Variants in CCDC6 observed in about 807,000 individuals in gnomAD.
CCDC6 encodes the protein coiled-coil domain-containing protein 6.
CCDC6 carries 20 observed loss-of-function variants against 56.6 expected under a neutral mutation model. The observed-to-expected ratio is 0.35, with a 90% CI of 0.25 to 0.51. CCDC6 has a LOEUF of 0.51. Among genes scored for constraint, CCDC6 ranks in the 20% least tolerant of loss-of-function variants. The pLI, the probability that CCDC6 is intolerant of heterozygous loss-of-function variation, is 0.95. For missense variants in CCDC6, 367 were observed against 601.1 expected, an observed-to-expected ratio of 0.61 and a Z score of 4.07; for synonymous variants, 241 against 234.4, an observed-to-expected ratio of 1.03 and a Z score of -0.26.
intron 1 of CCDC6, among the ~76,000 whole-genome samples, chr10:59,864,985 G>A (rs1048212946): frequency 6.6e-5 from 10 of 152,160 alleles, no homozygotes; most frequent in Non-Finnish European, 1.2e-4. Context: ...AACTTAATAC[G>A]CGATCTTCAA....
At chr10:59,890,355 C>T (rs2071412762) in intron 1 of CCDC6, among the ~76,000 whole-genome samples, 1 of 152,156 alleles carries the variant, frequency 6.6e-6, no homozygotes, top group Admixed American at 6.5e-5. Flanking sequence ...GTGGAGGCAC[C>T]ATCCTGAGAA....
At chr10:59,818,501 G>GC (rs1246440612) in intron 3 of CCDC6, among the ~76,000 whole-genome samples, 2 of 141,394 alleles carry the variant, frequency 1.4e-5, no homozygotes, top group Admixed American at 7.0e-5. Context: ...TTGACGGGGG[G>GC]GGGGGAAGCA....
chr10:59,895,690 C>T (rs1344899094), intron 1 of CCDC6, among the ~76,000 whole-genome samples: 2 of 152,162 alleles, frequency 1.3e-5, no homozygotes, highest in Non-Finnish European at 2.9e-5. Context: ...TTTAAAACTC[C>T]GGTTTACCTT....
chr10:59,898,390 A>G (rs564093736), intron 1 of CCDC6, among the ~76,000 whole-genome samples: 15 of 152,388 alleles, frequency 9.8e-5, no homozygotes, highest in African/African-American at 2.9e-4. Flanking sequence ...CAAGCTAATT[A>G]AACTGTGAAT....
chr10:59,877,205 G>A (rs1255932335), intron 1 of CCDC6, among the ~76,000 whole-genome samples: 1 of 152,076 alleles, frequency 6.6e-6, no homozygotes, highest in East Asian at 1.9e-4. Flanking sequence ...CATTCACGAT[G>A]GCAAAACAAA....
chr10:59,889,344 C>T (rs1293446586), intron 1 of CCDC6, among the ~76,000 whole-genome samples: 1 of 152,224 alleles, frequency 6.6e-6, no homozygotes, highest in Non-Finnish European at 1.5e-5. Context: ...ATCAATCCAG[C>T]CATTCTGGGC....
At chr10:59,874,949 T>C (rs745895781) in intron 1 of CCDC6, among the ~76,000 whole-genome samples, 5 of 152,232 alleles carry the variant, frequency 3.3e-5, no homozygotes, top group Non-Finnish European at 7.3e-5. Flanking sequence ...AACTATGAGA[T>C]GATAAATCTA....
chr10:59,895,283 C>T (rs2071453642), intron 1 of CCDC6, among the ~76,000 whole-genome samples: 1 of 152,290 alleles, frequency 6.6e-6, no homozygotes, highest in South Asian at 2.1e-4. Flanking sequence ...GCCTGTGTGA[C>T]AGAGCGAGAC....
rs771262379 is a variant in CCDC6 at position 59,852,538 on chromosome 10, G to A, written c.453+15C>T. ...AATAGGCAGGGAAGATGAGGGAGTA[G>A]AAAAGATAATTTACCTGCATCAATT... On this transcript the variant is annotated intron_variant, in intron 2 of 8. Coordinates refer to ENST00000263102, the MANE Select transcript of CCDC6 (RefSeq NM_005436.5). The A allele has an allele frequency of 6.4e-7, 1 of 1,560,962 alleles. No homozygotes were observed. Among genetic ancestry groups the A allele is most frequent in the Admixed American group, 2.1e-5 (1 of 47,956 alleles).
intron 3 of CCDC6, among the ~76,000 whole-genome samples, chr10:59,816,516 G>C (rs1170507431): frequency 6.6e-6 from 1 of 152,078 alleles, no homozygotes; most frequent in African/African-American, 2.4e-5. Flanking sequence ...TCAAATCCCA[G>C]CTCCATCAAT....
chr10:59,833,244 T>G (rs1473237807), intron 2 of CCDC6, among the ~76,000 whole-genome samples: 2 of 151,492 alleles, frequency 1.3e-5, no homozygotes, highest in Non-Finnish European at 2.9e-5. Flanking sequence ...AAGTCAGGAG[T>G]TCAAGACCAG....
chr10:59,853,932 T>C (rs1307380367), intron 1 of CCDC6, among the ~76,000 whole-genome samples: 5 of 152,174 alleles, frequency 3.3e-5, no homozygotes, highest in African/African-American at 7.2e-5. Flanking sequence ...CCTAACCATC[T>C]TTGAAGGAAA....
chr10:59,869,776 T>C (rs1392199667), intron 1 of CCDC6, among the ~76,000 whole-genome samples: 2 of 152,086 alleles, frequency 1.3e-5, no homozygotes, highest in Admixed American at 1.3e-4. Context: ...CACTAAGAAA[T>C]AGTGATTCCT....
chr10:59,817,027 C>T lies in CCDC6; in HGVS notation c.583-2272G>A, dbSNP rs1035149607. ...ATATATTGTGCCGCAAAGTTGGGAC[C>T]CCACTAACGTGCAAATGCTCCTCAG... On this transcript the variant is annotated intron_variant, in intron 3 of 8. Coordinates refer to ENST00000263102, the MANE Select transcript of CCDC6 (RefSeq NM_005436.5). 3.3e-5 allele frequency among the ~76,000 whole-genome samples: 5 copies of T among 152,136 alleles called. No individual in the cohort carries two copies. In the East Asian group the frequency reaches 7.7e-4, roughly 23 times the overall value.
In CCDC6 at chr10:59,798,782, C is replaced by T. The variant is rs113301187; in HGVS notation, c.1106-4185G>A. Among the ~76,000 whole-genome samples the T allele has an allele frequency of 1.8e-3, 276 of 152,008 alleles. 2 individuals are homozygous for T. The highest frequency in any genetic ancestry group is 3.1e-3 in the Non-Finnish European group (213 of 67,976). ...GGCTGAGGTGGATGGATCACGAGGTCAGGAGTTCGAGACCAGCCTGACCAA... is the reference window on the plus strand; with the variant it reads ...GGCTGAGGTGGATGGATCACGAGGTTAGGAGTTCGAGACCAGCCTGACCAA... On this transcript the variant is annotated intron_variant, in intron 7 of 8. Coordinates refer to ENST00000263102, the MANE Select transcript of CCDC6 (RefSeq NM_005436.5).
At chr10:59,857,498 A>G (rs1265445173) in intron 1 of CCDC6, among the ~76,000 whole-genome samples, 1 of 152,206 alleles carries the variant, frequency 6.6e-6, no homozygotes, top group Non-Finnish European at 1.5e-5. Flanking sequence ...ACCACTGAAG[A>G]GAAAATCCAA....
intron 1 of CCDC6, among the ~76,000 whole-genome samples, chr10:59,879,451 C>G (rs1308075388): frequency 6.6e-6 from 1 of 152,192 alleles, no homozygotes; most frequent in African/African-American, 2.4e-5. Context: ...TAATCTGACA[C>G]AGCTAACTCA....
chr10:59,906,073 C>T (rs1589069229), intron 1 of CCDC6, 49 bp downstream of exon 1: 1 of 1,485,968 alleles, frequency 6.7e-7, no homozygotes, highest in Non-Finnish European at 9.0e-7. Context: ...CAGCCCCTCC[C>T]GGGGCGGGCG....
chr10:59,875,581 G>C (rs2071271786), intron 1 of CCDC6, among the ~76,000 whole-genome samples: 1 of 152,194 alleles, frequency 6.6e-6, no homozygotes. Flanking sequence ...TTGCTGATCT[G>C]TTGAAAACTA....
Sources: allele counts gnomAD v4.1 joint callset (sites outside exome capture counted in the v4.1 genomes callset), GRCh38; gene constraint gnomAD v4.1.1; transcripts MANE v1.5; gene names NCBI Gene and HGNC (gene_info 2026-07-23, HGNC 2026-07-21).